The following CLCN4 variants were observed in gnomAD, a reference collection of about 807,000 sequenced individuals.
The protein encoded by CLCN4 is Cl-/H+ antiporter 4, also known as H(+)/Cl(-) exchange transporter 4.
A neutral mutation model predicts 41.7 loss-of-function variants in CLCN4; 1 was observed. That is an observed-to-expected ratio of 0.02 (90% CI 0.01 to 0.11). The LOEUF (loss-of-function observed/expected upper bound fraction) is 0.11, where lower values mean the gene tolerates loss of function less well. Among genes scored for constraint, CLCN4 ranks in the 10% least tolerant of loss-of-function variants. The probability of loss-of-function intolerance (pLI) is 1.00; values close to 1 mark genes in which losing one functional copy is unlikely to be tolerated. For synonymous variants in CLCN4, 277 were observed against 285.8 expected, an observed-to-expected ratio of 0.97 and a Z score of 0.31; for missense variants, 287 against 661.0, an observed-to-expected ratio of 0.43 and a Z score of 6.20.
chrX:10,216,897 G>GTGTATATA (rs1411470927), intron 11 of CLCN4, among the ~76,000 whole-genome samples: 1 of 20,824 alleles, frequency 4.8e-5, no homozygotes, highest in African/African-American at 1.6e-4. Flanking sequence ...GTGTGTGTGT[G>GTGTATATA]TATATATATA....
At chrX:10,216,495 A>G (rs891417466) in intron 11 of CLCN4, among the ~76,000 whole-genome samples, 1 of 111,087 alleles carries the variant, frequency 9.0e-6, no homozygotes, top group East Asian at 2.8e-4. Flanking sequence ...TGAGTTCTGC[A>G]GTTAAGTAGA....
Position 10,185,433 on chromosome X carries a change from T to C in CLCN4, c.144+257T>C, listed in dbSNP as rs149300691. Reference sequence around the variant, plus strand: ...CTTTGCAGGTGCCATTTCTGGAACCTGTTTTCTCATCCATGAGGATGGAAG... The same window carrying C: ...CTTTGCAGGTGCCATTTCTGGAACCCGTTTTCTCATCCATGAGGATGGAAG... On this transcript the variant is annotated intron_variant, in intron 3 of 12. Coordinates refer to ENST00000380833, the MANE Select transcript of CLCN4 (RefSeq NM_001830.4). Among the ~76,000 whole-genome samples the C allele has an allele frequency of 3.4e-3, 380 of 111,578 alleles. 4 individuals are homozygous for C. Among genetic ancestry groups the C allele is most frequent in the African/African-American group, 0.012 (357 of 30,666 alleles).
rs1342003153 is a variant in CLCN4, at chrX:10,236,948, G to A, written c.*3364G>A. 2.7e-5 allele frequency: 3 copies of A among 111,969 alleles called. No homozygotes were observed. The highest frequency in any genetic ancestry group is 5.6e-5 in the Non-Finnish European group (3 of 53,223). The allele number at this position is 111,969 out of a possible 1,213,427, so 9.2% of individuals were successfully genotyped here. A position where few individuals can be genotyped will look rare whatever the true frequency, so the allele number is the denominator to read the frequency against. ...GTGACATGTGTGTTTCTTCTAAGTC[G>A]TTTTTAGTGCATCCCCTGCGATTGC... On this transcript the variant is annotated 3_prime_UTR_variant, in exon 13 of 13. Coordinates refer to ENST00000380833, the MANE Select transcript of CLCN4 (RefSeq NM_001830.4).
chrX:10,215,826 G>A (rs574126293), intron 11 of CLCN4, among the ~76,000 whole-genome samples: 1 of 111,992 alleles, frequency 8.9e-6, no homozygotes, highest in South Asian at 3.7e-4. Flanking sequence ...TACTCTTCTC[G>A]AAGCTATGTT....
intron 11 of CLCN4, among the ~76,000 whole-genome samples, chrX:10,217,937 T>C (rs1262583543): frequency 9.0e-6 from 1 of 110,548 alleles, no homozygotes; most frequent in Non-Finnish European, 1.9e-5. Flanking sequence ...GGGACGGAGC[T>C]TCACCATGTT....
At chrX:10,188,596 T>C (rs905278835) in intron 4 of CLCN4, among the ~76,000 whole-genome samples, 4 of 112,370 alleles carry the variant, frequency 3.6e-5, no homozygotes, top group African/African-American at 1.3e-4. Context: ...TTTTAGGAGA[T>C]TGTGAAGGTT....
chrX:10,185,265 G>T (rs967882875), intron 3 of CLCN4, 89 bp downstream of exon 3: 3 of 987,920 alleles, frequency 3.0e-6, no homozygotes, highest in Admixed American at 5.9e-5. Flanking sequence ...GTCCACGTAC[G>T]TGTCATGTGC....
intron 2 of CLCN4, among the ~76,000 whole-genome samples, chrX:10,171,538 T>C: frequency 9.0e-6 from 1 of 111,426 alleles, no homozygotes; most frequent in East Asian, 2.8e-4. Context: ...TGTCACGCAA[T>C]GGGCGACTGG....
intron 12 of CLCN4, among the ~76,000 whole-genome samples, 184 bp from the exon 13 acceptor site, chrX:10,233,310 C>T (rs1438015449): frequency 8.9e-6 from 1 of 111,742 alleles, no homozygotes; most frequent in Non-Finnish European, 1.9e-5. Flanking sequence ...CTGGGAGCAG[C>T]ATCTGTCACT....
rs1924187937 is a variant in CLCN4, at chrX:10,199,716, A to G, written c.555+1655A>G. ...CCTAACATGAGTGGCATTGGAACAA[A>G]TTTGCATTTTCTTTTTTTCTTTTTC... is the stretch of plus-strand genomic sequence containing the variant. On this transcript the variant is annotated intron_variant, in intron 6 of 12. Transcript: ENST00000380833. Among the ~76,000 whole-genome samples, 5 of 111,837 alleles carry G rather than the reference A, an allele frequency of 4.5e-5. No individual in the cohort carries two copies. The South Asian group carries it at 1.8e-3, about 41-fold the overall frequency.
At chrX:10,213,450 G>A (rs755743818) in intron 10 of CLCN4, among the ~76,000 whole-genome samples, 23 of 112,110 alleles carry the variant, frequency 2.1e-4, no homozygotes, top group Non-Finnish European at 3.8e-4. Context: ...CCCGGGATCC[G>A]TCATTGGAGC....
intron 2 of CLCN4, among the ~76,000 whole-genome samples, chrX:10,167,101 C>T (rs1309632330): frequency 2.7e-5 from 3 of 112,403 alleles, no homozygotes; most frequent in Non-Finnish European, 5.6e-5. Flanking sequence ...TCCGCTGGTT[C>T]GAGGCAGAAT....
intron 9 of CLCN4, among the ~76,000 whole-genome samples, chrX:10,210,807 C>A (rs1924524031): frequency 9.4e-6 from 1 of 106,675 alleles, no homozygotes; most frequent in Admixed American, 1.0e-4. Flanking sequence ...GCCACCATGC[C>A]CAGCTGATTT....
intron 8 of CLCN4, 123 bp from the exon 9 acceptor site, chrX:10,207,922 A>G: frequency 1.7e-6 from 1 of 582,738 alleles, no homozygotes; most frequent in Non-Finnish European, 2.8e-6. Flanking sequence ...CATTAAGTCC[A>G]GGCTCATGGA....
chrX:10,169,770 TTTTTCTTTTTCTTTTC>T (rs1923340368), intron 2 of CLCN4, among the ~76,000 whole-genome samples: 1 of 90,282 alleles, frequency 1.1e-5, no homozygotes, highest in Middle Eastern at 5.7e-3. Flanking sequence ...TGATTCTTTT[TTTTTCTTTTTCTTTTC>T]TTTTCTTTTT....
intron 6 of CLCN4, among the ~76,000 whole-genome samples, chrX:10,204,780 C>T (rs1362198521): frequency 1.8e-5 from 2 of 109,471 alleles, no homozygotes; most frequent in African/African-American, 3.3e-5. Flanking sequence ...TCATTTTGCT[C>T]TTGTAGGGGC....
rs746958474 is a variant in CLCN4 at position 10,208,149 on chromosome X, C to T, written c.948C>T (p.Leu316=). The T allele has an allele frequency of 9.7e-5, 117 of 1,209,770 alleles. No individual in the cohort carries two copies. In the South Asian group the frequency reaches 1.8e-3, roughly 18 times the overall value. Residue 316 remains leucine, a synonymous_variant, in exon 9 of 13, where the codon CTC becomes CTT. Coordinates refer to ENST00000380833, the MANE Select transcript of CLCN4 (RefSeq NM_001830.4). ...RSINPFGNSR[L]VLFYVEYHTP... ...TCAATCCCTTTGGGAATAGCCGTCT[C>T]GTTCTCTTTTATGTGGAATACCACA...
At chrX:10,204,121 A>T (rs1043658912) in intron 6 of CLCN4, among the ~76,000 whole-genome samples, 1 of 111,973 alleles carries the variant, frequency 8.9e-6, no homozygotes, top group African/African-American at 3.2e-5. Context: ...TATCTAAGAG[A>T]ATACCATTTT....
At chrX:10,211,757 G>C (rs1342625598) in intron 9 of CLCN4, among the ~76,000 whole-genome samples, 1 of 112,206 alleles carries the variant, frequency 8.9e-6, no homozygotes, top group Non-Finnish European at 1.9e-5. Context: ...GTGGTCATTA[G>C]ATAAACTAAA....
Sources: allele counts gnomAD v4.1 joint callset (sites outside exome capture counted in the v4.1 genomes callset), GRCh38; gene constraint gnomAD v4.1.1; transcripts MANE v1.5; gene names NCBI Gene and HGNC (gene_info 2026-07-23, HGNC 2026-07-21).